Variants in LGSN observed in about 807,000 individuals in gnomAD.
The protein encoded by LGSN is lengsin.
LGSN carries 21 observed loss-of-function variants against 19.5 expected under a neutral mutation model. The ratio of observed to expected loss-of-function variants is 1.07; its 90% CI spans 0.76 to 1.55. The LOEUF is 1.55. Among genes scored for constraint, LGSN ranks in the 40% most tolerant of loss-of-function variants. LGSN has a pLI of 0.00. For synonymous variants in LGSN, 257 were observed against 215.6 expected, an observed-to-expected ratio of 1.19 and a Z score of -1.68; for missense variants, 673 against 608.5, an observed-to-expected ratio of 1.11 and a Z score of -1.12.
chr6:63,330,694 G>C, the LGSN span, among the ~76,000 whole-genome samples: 1 of 152,176 alleles, frequency 6.6e-6, no homozygotes, highest in East Asian at 1.9e-4. Flanking sequence ...CAGTCCCCAT[G>C]ATCTGAGTCA....
the LGSN span, among the ~76,000 whole-genome samples, chr6:63,346,460 ACT>A: frequency 4.0e-5 from 6 of 151,830 alleles, no homozygotes; most frequent in African/African-American, 1.5e-4. Context: ...GGACGTGGAA[ACT>A]CTGTACCCCT....
the LGSN span, chr6:63,394,861 G>A: frequency 6.6e-6 from 1 of 152,418 alleles, no homozygotes; most frequent in African/African-American, 2.4e-5. Context: ...AGACTTGCAG[G>A]AGGGCCTGGG....
the LGSN span, among the ~76,000 whole-genome samples, chr6:63,378,254 T>C: frequency 6.6e-6 from 1 of 152,086 alleles, no homozygotes; most frequent in African/African-American, 2.4e-5. Context: ...GCTTTCTTGA[T>C]CACCACAGCA....
chr6:63,409,771 C>A, the LGSN span, among the ~76,000 whole-genome samples: 1 of 152,192 alleles, frequency 6.6e-6, no homozygotes, highest in Non-Finnish European at 1.5e-5. Flanking sequence ...TGTGGCAGCT[C>A]ACACCTGTAA....
the LGSN span, among the ~76,000 whole-genome samples, chr6:63,520,565 A>G: frequency 6.6e-6 from 1 of 151,992 alleles, no homozygotes; most frequent in Non-Finnish European, 1.5e-5. Context: ...AGGCAGACAG[A>G]GGTTGCAGTG....
the LGSN span, among the ~76,000 whole-genome samples, chr6:63,341,426 C>T: frequency 6.6e-6 from 1 of 152,330 alleles, no homozygotes; most frequent in African/African-American, 2.4e-5. Flanking sequence ...GATCGGTCTT[C>T]AGGATGCCTG....
the LGSN span, among the ~76,000 whole-genome samples, chr6:63,453,915 C>T: frequency 1.4e-4 from 21 of 152,282 alleles, no homozygotes; most frequent in South Asian, 4.4e-3. Context: ...CTCGGCCTCC[C>T]AAAGTGCTAG....
chr6:63,339,556 A>G, the LGSN span, among the ~76,000 whole-genome samples: 1 of 152,044 alleles, frequency 6.6e-6, no homozygotes, highest in African/African-American at 2.4e-5. Context: ...CTTTCAGTGT[A>G]TGTGTGTCTT....
At chr6:63,450,531 G>A in the LGSN span, among the ~76,000 whole-genome samples, 2 of 144,972 alleles carry the variant, frequency 1.4e-5, no homozygotes, top group African/African-American at 2.5e-5. Context: ...GGCAACAAGA[G>A]CAAAACTAAA....
At chr6:63,446,953 G>T in the LGSN span, among the ~76,000 whole-genome samples, 161 of 152,284 alleles carry the variant, frequency 1.1e-3, no homozygotes, top group African/African-American at 3.8e-3. Context: ...GGAGGCTGAG[G>T]CGGGAGAATC....
chr6:63,366,899 G>C, the LGSN span, among the ~76,000 whole-genome samples: 1 of 150,836 alleles, frequency 6.6e-6, no homozygotes, highest in East Asian at 1.9e-4. Flanking sequence ...GTAGAAAGCT[G>C]AAACTGGATC....
At chr6:63,343,243 G>A in the LGSN span, among the ~76,000 whole-genome samples, 10 of 152,174 alleles carry the variant, frequency 6.6e-5, no homozygotes, top group Admixed American at 2.6e-4. Context: ...TCCTATTCAC[G>A]TTTTAACCCG....
chr6:63,289,813 T>G (rs2127385659), intron 2 of LGSN, among the ~76,000 whole-genome samples: 1 of 152,248 alleles, frequency 6.6e-6, no homozygotes, highest in Middle Eastern at 3.4e-3. Context: ...AAAAGTGCAC[T>G]TGCGAGAAAA....
the LGSN span, among the ~76,000 whole-genome samples, chr6:63,523,792 ATTC>A: frequency 1.1e-4 from 16 of 152,130 alleles, no homozygotes; most frequent in African/African-American, 3.6e-4. Flanking sequence ...GGCCCAGACA[ATTC>A]TTCTTTCAGT....
chr6:63,492,391 T>A, the LGSN span, among the ~76,000 whole-genome samples: 1 of 152,262 alleles, frequency 6.6e-6, no homozygotes, highest in African/African-American at 2.4e-5. Context: ...AAATAGGACA[T>A]GTTGTTCATA....
the LGSN span, among the ~76,000 whole-genome samples, chr6:63,568,646 C>T: frequency 6.7e-6 from 1 of 150,086 alleles, no homozygotes; most frequent in Non-Finnish European, 1.5e-5. Context: ...CTGTCACAAA[C>T]CATCATTTTG....
At chr6:63,358,300 T>G in the LGSN span, among the ~76,000 whole-genome samples, 1 of 152,246 alleles carries the variant, frequency 6.6e-6, no homozygotes, top group East Asian at 1.9e-4. Context: ...GGCTTAGGAT[T>G]GTCTTGGCAA....
At chr6:63,425,668 T>C in the LGSN span, among the ~76,000 whole-genome samples, 1 of 152,010 alleles carries the variant, frequency 6.6e-6, no homozygotes, top group South Asian at 2.1e-4. Flanking sequence ...CAAGAGATCC[T>C]GGTGGTGACA....
the LGSN span, among the ~76,000 whole-genome samples, chr6:63,506,832 G>A: frequency 1.8e-4 from 28 of 152,186 alleles, no homozygotes; most frequent in Non-Finnish European, 2.6e-4. Context: ...TGGTTAGGGA[G>A]TCTGGTTTGC....
Sources: allele counts gnomAD v4.1 joint callset (sites outside exome capture counted in the v4.1 genomes callset), GRCh38; gene constraint gnomAD v4.1.1; transcripts MANE v1.5; gene names NCBI Gene and HGNC (gene_info 2026-07-23, HGNC 2026-07-21).